Variants in COL28A1 observed in about 807,000 individuals in gnomAD.
COL28A1 encodes the protein collagen type XXVIII alpha 1 chain, also known as collagen alpha-1(XXVIII) chain.
COL28A1 carries 161 observed loss-of-function variants against 150.2 expected under a neutral mutation model. That is an observed-to-expected ratio of 1.07 (90% CI 0.94 to 1.22). The LOEUF (loss-of-function observed/expected upper bound fraction) is 1.22. Among genes scored for constraint, COL28A1 ranks in the 50% most tolerant of loss-of-function variants. The pLI, the probability that COL28A1 is intolerant of heterozygous loss-of-function variation, is 0.00. For missense variants in COL28A1, 1,617 were observed against 1,388.3 expected (o/e 1.16, Z -2.62); for synonymous variants, 552 against 469.7 (o/e 1.18, Z -2.26).
At chr7:7,514,401 T>G (rs1231364442) in intron 8 of COL28A1, among the ~76,000 whole-genome samples, 1 of 152,214 alleles carries the variant, frequency 6.6e-6, no homozygotes, top group Non-Finnish European at 1.5e-5. Flanking sequence ...TCCATCCAGT[T>G]GAAGAAACAG....
chr7:7,436,588 T>C (rs1785360616), intron 22 of COL28A1, 125 bp from the exon 23 acceptor site: 2 of 678,302 alleles, frequency 2.9e-6, no homozygotes, highest in Admixed American at 2.5e-5. Flanking sequence ...CTTGAGATAG[T>C]ATATTCTTCA....
chr7:7,358,598 C>A lies in COL28A1; in HGVS notation c.*35G>T. The A allele has an allele frequency of 6.2e-7, 1 of 1,600,980 alleles. No homozygotes were observed. Among genetic ancestry groups the A allele is most frequent in the Non-Finnish European group, 8.5e-7 (1 of 1,169,938 alleles). On this transcript the variant is annotated 3_prime_UTR_variant, in exon 35 of 35. Coordinates refer to ENST00000399429, the MANE Select transcript of COL28A1 (RefSeq NM_001037763.3). ...GTGAATATGTGGAAATTAGGGAGTT[C>A]TATGCTTTTGATAGAGACAGGCCAA...
chr7:7,369,199 CAGGAGAGG>C (rs1251922566), intron 33 of COL28A1, among the ~76,000 whole-genome samples: 12 of 152,164 alleles, frequency 7.9e-5, no homozygotes, highest in Non-Finnish European at 1.8e-4. Context: ...GTCACACAAA[CAGGAGAGG>C]CCCCAGTAGC....
chr7:7,341,020 C>A, the COL28A1 span, among the ~76,000 whole-genome samples: 3 of 152,164 alleles, frequency 2.0e-5, no homozygotes, highest in African/African-American at 7.2e-5. Flanking sequence ...CTTACCCATA[C>A]AGAGCCATGT....
chr7:7,478,195 G>A, intron 13 of COL28A1, among the ~76,000 whole-genome samples: 1 of 152,160 alleles, frequency 6.6e-6, no homozygotes, highest in East Asian at 1.9e-4. Context: ...GCTAGACACA[G>A]AGTGCTGATT....
Position 7,358,366 on chromosome 7 carries a change from A to C in COL28A1, c.*267T>G. 3.0e-6 allele frequency: 1 copy of C among 330,150 alleles called. No homozygotes were observed. The highest frequency in any genetic ancestry group is 5.4e-5 in the South Asian group (1 of 18,594). The allele number at this position is 330,150 out of a possible 1,614,324, so 20.5% of individuals were successfully genotyped here. A position where few individuals can be genotyped will look rare whatever the true frequency, so the allele number is the denominator to read the frequency against. On this transcript the variant is annotated 3_prime_UTR_variant, in exon 35 of 35. Coordinates refer to ENST00000399429, the MANE Select transcript of COL28A1 (RefSeq NM_001037763.3). ...TAGATAGAGTCTGTGTATTGAAGTT[A>C]CACAGCTCTAAGTCTAAATCCTCAG...
chr7:7,495,207 G>A (rs1024647994), intron 11 of COL28A1, among the ~76,000 whole-genome samples: 2 of 152,216 alleles, frequency 1.3e-5, no homozygotes, highest in South Asian at 4.1e-4. Flanking sequence ...ACTTTTTAAA[G>A]TATTAATTAT....
chr7:7,352,366 A>G (rs1348334731), downstream of COL28A1, among the ~76,000 whole-genome samples: 4 of 152,282 alleles, frequency 2.6e-5, no homozygotes, highest in East Asian at 7.7e-4. Flanking sequence ...TCTGCTCCCC[A>G]ATCTCTCCTG....
chr7:7,423,492 T>C (rs920147653), intron 25 of COL28A1, among the ~76,000 whole-genome samples: 11 of 152,172 alleles, frequency 7.2e-5, no homozygotes, highest in African/African-American at 2.7e-4. Context: ...AGCACACAGG[T>C]AGATTCAACA....
the COL28A1 span, among the ~76,000 whole-genome samples, chr7:7,346,642 T>C: frequency 5.9e-5 from 9 of 152,088 alleles, no homozygotes; most frequent in Non-Finnish European, 7.4e-5. Context: ...AATGATACCA[T>C]TGAATTTCCT....
rs548231307 is a variant in COL28A1 at position 7,395,534 on chromosome 7, A to G, written c.2137-13922T>C. Among the ~76,000 whole-genome samples, 3 of 152,352 alleles carry G rather than the reference A, an allele frequency of 2.0e-5. No individual in the cohort carries two copies. The South Asian group carries it at 6.2e-4, about 32-fold the overall frequency. The stretch of plus-strand genomic sequence containing the variant: ...CAGAAGCTTGGGTTTCTCCTCCATT[A>G]AGATTTGCAGTCCTGTGTGATAAAT... On this transcript the variant is annotated intron_variant, in intron 27 of 34. Transcript: ENST00000399429.
chr7:7,381,749 GTATATA>G lies in COL28A1; in HGVS notation c.2137-143_2137-138del, dbSNP rs1781886266. 9.1e-6 allele frequency: 5 copies of G among 550,610 alleles called. No homozygotes were observed. The South Asian group carries it at 1.4e-4, about 15-fold the overall frequency. 34.1% of individuals were successfully genotyped at this position (550,610 alleles called of 1,614,324 possible). On this transcript the variant is annotated intron_variant, in intron 27 of 34. Coordinates refer to ENST00000399429, the MANE Select transcript of COL28A1 (RefSeq NM_001037763.3). ...TATTAGGGGAAATATATATATATAT[GTATATA>G]AATACATATGTGTATGTGTGTATGT...
At chr7:7,466,220 G>C (rs954475581) in intron 15 of COL28A1, among the ~76,000 whole-genome samples, 2 of 114,976 alleles carry the variant, frequency 1.7e-5, no homozygotes, top group African/African-American at 7.1e-5. Flanking sequence ...AAATTTAGAA[G>C]AATGTATAAC....
chr7:7,353,930 C>G (rs1272472978), downstream of COL28A1, among the ~76,000 whole-genome samples: 1 of 152,094 alleles, frequency 6.6e-6, no homozygotes, highest in Non-Finnish European at 1.5e-5. Context: ...ATACCCATAG[C>G]TCTCCATCCT....
intron 15 of COL28A1, among the ~76,000 whole-genome samples, chr7:7,471,325 T>C (rs996353575): frequency 2.6e-5 from 4 of 152,032 alleles, no homozygotes; most frequent in Non-Finnish European, 5.9e-5. Flanking sequence ...ATTGACACTA[T>C]TCCACAAGAT....
At position 7,380,820 on chromosome 7, in the gene COL28A1, T is replaced by G. The variant is rs1781831512; in HGVS notation, c.2248A>C (p.Lys750Gln). ...ERGDVGKKGD[K>Q]GEIGEPGSPG... The stretch of plus-strand genomic sequence containing the variant: ...GATCCAGGCTCTCCAATTTCTCCTT[T>G]ATCACCTTTCTTTCCCACATCGCCC... Residue 750 changes from lysine (K) to glutamine (Q), a missense_variant, in exon 29 of 35, where the codon AAA becomes CAA. Coordinates refer to ENST00000399429, the MANE Select transcript of COL28A1 (RefSeq NM_001037763.3). 1 of 1,614,062 alleles carries G rather than the reference T, an allele frequency of 6.2e-7. No homozygotes were observed. The highest frequency in any genetic ancestry group is 8.5e-7 in the Non-Finnish European group (1 of 1,179,946).
intron 33 of COL28A1, among the ~76,000 whole-genome samples, chr7:7,363,783 T>C (rs912346174): frequency 3.3e-5 from 5 of 152,148 alleles, no homozygotes; most frequent in Non-Finnish European, 7.3e-5. Flanking sequence ...TATTTCACCA[T>C]GACTCTATAA....
In COL28A1 at chr7:7,393,582, C is replaced by T. The variant is rs571362664; in HGVS notation, c.2137-11970G>A. ...CTCCCCTTCCCCCAGGTGCTCTGTC[C>T]GAGGGAGACGGGGGTTTTATCTATA... is the stretch of plus-strand genomic sequence containing the variant. On this transcript the variant is annotated intron_variant, in intron 27 of 34. Coordinates refer to ENST00000399429, the MANE Select transcript of COL28A1 (RefSeq NM_001037763.3). 6.7e-4 allele frequency among the ~76,000 whole-genome samples: 100 copies of T among 148,598 alleles called. 2 individuals carry two copies. Among genetic ancestry groups the T allele is most frequent in the African/African-American group, 9.5e-4 (38 of 40,122 alleles).
At chr7:7,517,394 G>A (rs1429200357) in intron 7 of COL28A1, among the ~76,000 whole-genome samples, 1 of 152,046 alleles carries the variant, frequency 6.6e-6, no homozygotes, top group African/African-American at 2.4e-5. Context: ...CAAATAGAAT[G>A]GTAAATTTTA....
Sources: allele counts gnomAD v4.1 joint callset (sites outside exome capture counted in the v4.1 genomes callset), GRCh38; gene constraint gnomAD v4.1.1; transcripts MANE v1.5; gene names NCBI Gene and HGNC (gene_info 2026-07-23, HGNC 2026-07-21).